The following LGI1 variants were observed in gnomAD, a reference collection of about 807,000 sequenced individuals.
LGI1 encodes leucine-rich glioma-inactivated protein 1.
In LGI1, 11 loss-of-function variants were observed where a neutral mutation model predicts 57.7. That is an observed-to-expected ratio of 0.19 (90% confidence interval 0.12 to 0.32). The LOEUF (loss-of-function observed/expected upper bound fraction) is 0.32, where lower values mean the gene tolerates loss of function less well. Among genes scored for constraint, LGI1 ranks in the 10% least tolerant of loss-of-function variants. The probability of loss-of-function intolerance (pLI) is 1.00; values close to 1 mark genes in which losing one functional copy is unlikely to be tolerated. For synonymous variants in LGI1, 222 were observed against 241.9 expected (o/e 0.92, Z 0.76); for missense variants, 422 against 661.9 (o/e 0.64, Z 3.98).
rs2059589088 is a variant in LGI1, at chr10:93,758,568, C to A, written c.216-192C>A. On this transcript the variant is annotated intron_variant, in intron 1 of 7. Transcript: ENST00000371418. This position sits in a 1 kb window ranked among gnomAD's most constrained non-coding sequence, Gnocchi z 4.7. ...ATGCTTAGATACCCCCAGCCCTGAA[C>A]ATTATCATGAGAAACCTGTAGCCGA... 2.9e-6 allele frequency: 2 copies of A among 691,580 alleles called. No homozygotes were observed. 42.8% of individuals were successfully genotyped at this position (691,580 alleles called of 1,614,324 possible).
At chr10:93,781,494 A>T (rs1210938089) in intron 4 of LGI1, among the ~76,000 whole-genome samples, 1 of 152,150 alleles carries the variant, frequency 6.6e-6, no homozygotes, top group Non-Finnish European at 1.5e-5. Context: ...AGGGAGAGAG[A>T]CTTCTTAAAG....
chr10:93,792,530 T>G, intron 5 of LGI1: 4 of 618,008 alleles, frequency 6.5e-6, no homozygotes, highest in East Asian at 2.8e-5. Flanking sequence ...GAGTAAGTGA[T>G]GAGGTTCCAT....
intron 2 of LGI1, among the ~76,000 whole-genome samples, chr10:93,775,553 CCT>C (rs924213374): frequency 1.3e-5 from 2 of 152,114 alleles, no homozygotes; most frequent in African/African-American, 4.8e-5. Flanking sequence ...AAGGTGAATT[CCT>C]CTTTGTCCAA....
At chr10:93,773,310 A>T (rs2059758114) in intron 2 of LGI1, among the ~76,000 whole-genome samples, 1 of 152,120 alleles carries the variant, frequency 6.6e-6, no homozygotes, top group African/African-American at 2.4e-5. Context: ...TTATGCCATT[A>T]TGTGACCTGG....
intron 4 of LGI1, chr10:93,780,324 G>T (rs926448586): frequency 6.6e-6 from 1 of 152,250 alleles, no homozygotes; most frequent in Non-Finnish European, 1.5e-5. Context: ...ATTTCCCTCT[G>T]CCGGCTCAGT....
intron 2 of LGI1, among the ~76,000 whole-genome samples, chr10:93,761,910 G>A (rs1425480698): frequency 6.6e-6 from 1 of 152,160 alleles, no homozygotes; most frequent in African/African-American, 2.4e-5. Context: ...GATAGAAAGT[G>A]GTACTTTTAG....
chr10:93,785,181 G>C (rs1157977717), intron 4 of LGI1, among the ~76,000 whole-genome samples: 1 of 152,134 alleles, frequency 6.6e-6, no homozygotes, highest in Non-Finnish European at 1.5e-5. Context: ...AAGAGAGGCA[G>C]AAAGAATAGA....
chr10:93,796,449 T>C (rs1297150531), intron 7 of LGI1, among the ~76,000 whole-genome samples: 1 of 152,158 alleles, frequency 6.6e-6, no homozygotes, highest in Non-Finnish European at 1.5e-5. Context: ...ATAGAGATGC[T>C]GGTAGGCCTG....
chr10:93,778,780 C>A (rs762090512), intron 4 of LGI1: 1 of 152,152 alleles, frequency 6.6e-6, no homozygotes, highest in Non-Finnish European at 1.5e-5. Context: ...TACTTCATTC[C>A]CAGCTCTGCT....
chr10:93,791,244 G>A (rs1027496458), intron 5 of LGI1: 4 of 152,170 alleles, frequency 2.6e-5, no homozygotes, highest in African/African-American at 4.8e-5. Context: ...ATCCTCTCTG[G>A]TTTACAGTAG....
chr10:93,773,641 G>A (rs1303004228), intron 2 of LGI1, among the ~76,000 whole-genome samples: 1 of 152,090 alleles, frequency 6.6e-6, no homozygotes. Flanking sequence ...TACTCCCGTG[G>A]TTGCAGAAGA....
rs751940207 is a variant in LGI1, at chr10:93,781,340, A to C, written c.431+3723A>C. ...CGCCATTGCACTCCAGCCTAGGTGA[A>C]AGAGCAAGACTCCGTCTCTAAGAAG... On this transcript the variant is annotated intron_variant, in intron 4 of 7. Coordinates refer to ENST00000371418, the MANE Select transcript of LGI1 (RefSeq NM_005097.4). Among the ~76,000 whole-genome samples the C allele has an allele frequency of 3.9e-5, 6 of 151,944 alleles. No homozygotes were observed. In the South Asian group the frequency reaches 8.3e-4, roughly 21 times the overall value.
intron 7 of LGI1, among the ~76,000 whole-genome samples, chr10:93,795,624 TC>T (rs1209931348): frequency 6.6e-6 from 1 of 152,208 alleles, no homozygotes; most frequent in Admixed American, 6.5e-5. Context: ...CATTATCCCT[TC>T]CTTCACTCTA....
At chr10:93,783,390 G>GTAAATAAA (rs1050571120) in intron 4 of LGI1, among the ~76,000 whole-genome samples, 1 of 152,106 alleles carries the variant, frequency 6.6e-6, no homozygotes, top group African/African-American at 2.4e-5. Flanking sequence ...AAATAAATAA[G>GTAAATAAA]TAAATAAATA....
At chr10:93,759,730 C>T (rs1273746295) in intron 2 of LGI1, among the ~76,000 whole-genome samples, 1 of 152,170 alleles carries the variant, frequency 6.6e-6, no homozygotes, top group East Asian at 1.9e-4. Flanking sequence ...AGGACCCAGG[C>T]CTTTCACTTG....
Position 93,758,383 on chromosome 10 carries a change from A to G in LGI1, c.215+24A>G, listed in dbSNP as rs2059586754. ...TTGTAAGGCCCGTAAGCATTTTGAT[A>G]TCTAATTTACGATTTAAAAATTCCA... On this transcript the variant is annotated intron_variant, in intron 1 of 7. Coordinates refer to ENST00000371418, the MANE Select transcript of LGI1 (RefSeq NM_005097.4). The surrounding 1 kb of genome is among the most constrained non-coding windows in gnomAD (Gnocchi z 4.7). The G allele has an allele frequency of 3.7e-6, 6 of 1,605,414 alleles. No individual in the cohort carries two copies. Among genetic ancestry groups the G allele is most frequent in the Non-Finnish European group, 5.1e-6 (6 of 1,172,274 alleles).
At chr10:93,789,462 C>CA (rs2059918071) in intron 4 of LGI1, 1 of 152,524 alleles carries the variant, frequency 6.6e-6, no homozygotes, top group African/African-American at 2.4e-5. Context: ...GGACACTCAC[C>CA]AGTTTGGTTA....
chr10:93,780,692 T>C (rs1161630645), intron 4 of LGI1, among the ~76,000 whole-genome samples: 1 of 152,032 alleles, frequency 6.6e-6, no homozygotes. Flanking sequence ...GCCAGACAGC[T>C]CCCACCGTCT....
At chr10:93,776,951 ACTTTTT>A in intron 2 of LGI1, 1 of 232,402 alleles carries the variant, frequency 4.3e-6, no homozygotes, top group Non-Finnish European at 8.5e-6. Context: ...CATGCAGCTT[ACTTTTT>A]TTTAGGTTTC....
Sources: gnomAD v4.1 joint callset for allele counts (sites outside exome capture counted in the v4.1 genomes callset) on GRCh38, gnomAD v4.1.1 for gene constraint, Gnocchi (gnomAD v3.1) non-coding constraint, MANE v1.5 for transcripts, NCBI Gene and HGNC (gene_info 2026-07-23, HGNC 2026-07-21) for gene names.